FAM13B: variants seen among roughly 807,000 people sequenced by gnomAD.
FAM13B encodes family with sequence similarity 13 member B, also known as protein FAM13B.
In FAM13B, 60 loss-of-function variants were observed where a neutral mutation model predicts 117.3. The ratio of observed to expected loss-of-function variants is 0.51; its 90% CI spans 0.42 to 0.63. The LOEUF (loss-of-function observed/expected upper bound fraction) is 0.63, where lower values mean the gene tolerates loss of function less well. FAM13B is among the 30% of genes least tolerant of loss of function. FAM13B has a pLI of 0.00. For synonymous variants in FAM13B, 332 were observed against 356.1 expected (o/e 0.93, Z 0.76); for missense variants, 972 against 1,091.9 (o/e 0.89, Z 1.55).
chr5:138,011,984 A>G, intron 4 of FAM13B, 39 bp from the exon 5 acceptor site: 1 of 1,443,526 alleles, frequency 6.9e-7, no homozygotes, highest in Non-Finnish European at 9.4e-7. Context: ...CAATAAAGGA[A>G]AAAGCAAAGC....
intron 1 of FAM13B, among the ~76,000 whole-genome samples, chr5:138,046,897 C>A (rs1226586121): frequency 6.6e-6 from 1 of 152,044 alleles, no homozygotes; most frequent in Admixed American, 6.6e-5. Flanking sequence ...AGGCACCCAC[C>A]ACCACGCCCA....
chr5:137,949,068 C>T lies in FAM13B; in HGVS notation c.2047G>A (p.Glu683Lys), dbSNP rs1381434243. 1 of 1,614,000 alleles carries T rather than the reference C, an allele frequency of 6.2e-7. No homozygotes were observed. Among genetic ancestry groups the T allele is most frequent in the Admixed American group, 1.7e-5 (1 of 60,010 alleles). The change falls in exon 18 of 24, where the codon GAA becomes AAA. Residue 683 changes from glutamate (E) to lysine (K), a missense_variant. Transcript: ENST00000689681. ...LDHEDEENED[E>K]PKVIQKEKKP... ...TTCTCCTTCTGAATGACCTTGGGTT[C>T]ATCTTCATTCTCTTCATCTTCATGG...
rs139873418 is a variant in FAM13B at position 138,042,741 on chromosome 5, G to A, written c.-203+9137C>T. On this transcript the variant is annotated intron_variant, in intron 1 of 3. Coordinates refer to the FAM13B transcript ENST00000502471. Reference sequence around the variant, plus strand: ...AGAGTTCGTGGAGACACAAAAATAAGAATGCTCTTATTCTTGATATGAGCT... The same window carrying A: ...AGAGTTCGTGGAGACACAAAAATAAAAATGCTCTTATTCTTGATATGAGCT... Among the ~76,000 whole-genome samples, 157 of 152,080 alleles carry A rather than the reference G, an allele frequency of 1.0e-3. 1 individual carries two copies. The highest frequency in any genetic ancestry group is 1.9e-3 in the Non-Finnish European group (132 of 67,990).
chr5:137,985,744 TAC>T (rs1777044497), intron 9 of FAM13B, among the ~76,000 whole-genome samples: 1 of 152,206 alleles, frequency 6.6e-6, no homozygotes, highest in South Asian at 2.1e-4. Context: ...TACTAGACAC[TAC>T]AGTGTCCAAC....
chr5:138,038,258 A>C (rs963827702), intron 1 of FAM13B, among the ~76,000 whole-genome samples: 1 of 152,178 alleles, frequency 6.6e-6, no homozygotes, highest in African/African-American at 2.4e-5. Context: ...TGTAAGTTAC[A>C]GTAAATACAA....
intron 1 of FAM13B, among the ~76,000 whole-genome samples, chr5:138,044,625 G>A (rs1015274178): frequency 6.6e-5 from 10 of 151,378 alleles, no homozygotes; most frequent in Non-Finnish European, 1.3e-4. Context: ...CCTTTTCACG[G>A]TACAGTAAGG....
At chr5:138,013,501 C>CAAAAAA (rs376873284) in intron 4 of FAM13B, among the ~76,000 whole-genome samples, 13 of 137,588 alleles carry the variant, frequency 9.4e-5, no homozygotes, top group African/African-American at 3.6e-4. Context: ...ACTCCATCTC[C>CAAAAAA]AAAAAAAAAA....
chr5:138,043,040 T>C (rs6868018), intron 1 of FAM13B, among the ~76,000 whole-genome samples: 149,019 of 152,164 alleles, frequency 0.98, 73,045 homozygotes, highest in East Asian at 1. Context: ...TACAGTGAGC[T>C]GAGATCGTGC....
chr5:138,002,478 G>A (rs191476416), intron 7 of FAM13B, among the ~76,000 whole-genome samples: 86 of 152,110 alleles, frequency 5.7e-4, no homozygotes, highest in African/African-American at 8.0e-4. Flanking sequence ...GCAGTGAGCC[G>A]AGATCACGCT....
chr5:138,015,500 C>T (rs1259902749), intron 4 of FAM13B, among the ~76,000 whole-genome samples: 5 of 152,120 alleles, frequency 3.3e-5, no homozygotes, highest in Admixed American at 6.6e-5. Flanking sequence ...GTCAGGAGTT[C>T]GAGATCAGCC....
At chr5:138,051,182 G>A (rs922821168) in intron 1 of FAM13B, among the ~76,000 whole-genome samples, 2 of 152,034 alleles carry the variant, frequency 1.3e-5, no homozygotes, top group African/African-American at 4.8e-5. Flanking sequence ...TAGGATCATA[G>A]TATAATACTC....
chr5:138,031,942 T>C (rs938529532), intron 1 of FAM13B, among the ~76,000 whole-genome samples: 1 of 152,222 alleles, frequency 6.6e-6, no homozygotes, highest in African/African-American at 2.4e-5. Context: ...GTTAATAGTC[T>C]GCATTACTAC....
chr5:138,023,918 CCAGAGGG>C (rs2151009655), intron 1 of FAM13B, among the ~76,000 whole-genome samples: 1 of 152,294 alleles, frequency 6.6e-6, no homozygotes, highest in African/African-American at 2.4e-5. Flanking sequence ...ACAGGTACTT[CCAGAGGG>C]CAGGCCTATG....
chr5:138,027,859 G>C (rs1175589739), intron 1 of FAM13B, among the ~76,000 whole-genome samples: 7 of 152,178 alleles, frequency 4.6e-5, no homozygotes, highest in Non-Finnish European at 1.0e-4. Context: ...GGTTTTATAA[G>C]GGGCTCTTCC....
chr5:137,953,545 T>A, intron 15 of FAM13B, 80 bp from the exon 16 acceptor site: 2 of 1,389,896 alleles, frequency 1.4e-6, no homozygotes, highest in South Asian at 1.2e-5. Context: ...CATGGCACTA[T>A]TAGCAATAAG....
intron 10 of FAM13B, among the ~76,000 whole-genome samples, chr5:137,979,062 G>C (rs1263976470): frequency 6.6e-6 from 1 of 150,694 alleles, no homozygotes; most frequent in Non-Finnish European, 1.5e-5. Flanking sequence ...ACCCAGGCTG[G>C]AGTGCAGTGG....
Position 138,012,659 on chromosome 5 carries a change from T to C in FAM13B, c.371-714A>G, listed in dbSNP as rs763710932. On this transcript the variant is annotated intron_variant, in intron 4 of 23. Transcript: ENST00000689681. ...ACTAGACCCGTATTCATTCCACTAA[T>C]TGGTGAGGATCCCATTTGGGAGAAA... Among the ~76,000 whole-genome samples, 4 of 152,294 alleles carry C rather than the reference T, an allele frequency of 2.6e-5. No individual in the cohort carries two copies. In the East Asian group the frequency reaches 5.8e-4, roughly 22 times the overall value.
At chr5:137,996,070 C>T (rs561496677) in intron 7 of FAM13B, among the ~76,000 whole-genome samples, 18 of 152,262 alleles carry the variant, frequency 1.2e-4, no homozygotes, top group African/African-American at 4.1e-4. Flanking sequence ...GTCCGCATAC[C>T]CCTCTAGTCA....
chr5:138,018,411 C>T lies in FAM13B; in HGVS notation c.261G>A (p.Lys87=), dbSNP rs1208725157. ...YDSGEEVDLV[K]EADVPSAISL... Reference sequence around the variant, plus strand: ...TAATAGCTGAGGGAACATCTGCTTCCTTAACCAAATCCACCTCTTCTCCGC... The same window carrying T: ...TAATAGCTGAGGGAACATCTGCTTCTTTAACCAAATCCACCTCTTCTCCGC... The change falls in exon 4 of 24, where the codon AAG becomes AAA. Residue 87 remains lysine, a synonymous_variant. Coordinates refer to ENST00000689681, the MANE Select transcript of FAM13B (RefSeq NM_001385994.1). 3 of 1,614,110 alleles carry T rather than the reference C, an allele frequency of 1.9e-6. No individual in the cohort carries two copies. The highest frequency in any genetic ancestry group is 2.2e-5 in the East Asian group (1 of 44,874).
Sources: allele counts gnomAD v4.1 joint callset (sites outside exome capture counted in the v4.1 genomes callset), GRCh38; gene constraint gnomAD v4.1.1; transcripts MANE v1.5; gene names NCBI Gene and HGNC (gene_info 2026-07-23, HGNC 2026-07-21).